Variants in CCNF observed in about 807,000 individuals in gnomAD.
CCNF encodes the protein cyclin F, also known as cyclin-F.
CCNF carries 30 observed loss-of-function variants against 85.4 expected under a neutral mutation model. The ratio of observed to expected loss-of-function variants is 0.35; its 90% CI spans 0.26 to 0.48. CCNF has a LOEUF of 0.48. CCNF is among the 20% of genes least tolerant of loss of function. CCNF has a pLI of 0.99. For missense variants in CCNF, 919 were observed against 1,010.4 expected (o/e 0.91, Z 1.23); for synonymous variants, 439 against 425.1 (o/e 1.03, Z -0.40).
chr16:2,437,416 CAGG>C, intron 5 of CCNF, 94 bp downstream of exon 5: 2 of 959,688 alleles, frequency 2.1e-6, no homozygotes, highest in South Asian at 1.9e-5. Flanking sequence ...CCTGGAAAGT[CAGG>C]AGCCTAAGGG....
intron 8 of CCNF, among the ~76,000 whole-genome samples, chr16:2,441,204 A>G (rs1226599740): frequency 6.6e-6 from 1 of 151,978 alleles, no homozygotes; most frequent in East Asian, 1.9e-4. Flanking sequence ...ACTGCACTCC[A>G]GCCTGGCAAC....
chr16:2,455,314 T>C (rs1596933283), intron 15 of CCNF, 81 bp from the exon 16 acceptor site: 2 of 1,457,420 alleles, frequency 1.4e-6, no homozygotes, highest in Non-Finnish European at 1.8e-6. Context: ...GGCACGCGGG[T>C]GTTAGAGGCA....
chr16:2,445,088 G>A, intron 9 of CCNF, among the ~76,000 whole-genome samples: 1 of 152,054 alleles, frequency 6.6e-6, no homozygotes, highest in Non-Finnish European at 1.5e-5. Context: ...TACCGTATTG[G>A]GGCATTCCCT....
Position 2,437,193 on chromosome 16 carries a change from C to G in CCNF, c.411C>G (p.Leu137=). The part of the protein sequence containing the change: ...NGLKASRFFS[L]AERLNVGAAP... ...TGAAGGCCTCTCGCTTCTTCAGTCT[C>G]GCTGAGCGGCTGAATGTGGGTGCCG... The change falls in exon 5 of 17, where the codon CTC becomes CTG. Residue 137 remains leucine, a synonymous_variant. Transcript: ENST00000397066. 6.2e-7 allele frequency: 1 copy of G among 1,612,770 alleles called. No homozygotes were observed. Among genetic ancestry groups the G allele is most frequent in the Non-Finnish European group, 8.5e-7 (1 of 1,179,150 alleles).
intron 6 of CCNF, 83 bp downstream of exon 6, chr16:2,438,206 G>C: frequency 3.7e-6 from 4 of 1,084,776 alleles, no homozygotes; most frequent in South Asian, 2.5e-5. Context: ...GCAGCAGAAG[G>C]GGGTGTCCAA....
rs556382714 is a variant in CCNF, at chr16:2,445,171, G to A, written c.930-287G>A. Among the ~76,000 whole-genome samples, 90 of 152,288 alleles carry A rather than the reference G, an allele frequency of 5.9e-4. 1 individual carries two copies. The highest frequency in any genetic ancestry group is 1.9e-3 in the African/African-American group (81 of 41,562). On this transcript the variant is annotated intron_variant, in intron 9 of 16. Transcript: ENST00000397066. ...GTTCATCCACTGTGGGCAGACCAAC[G>A]GCTGTGGGCTGACTTTTCACTTTGC...
Position 2,437,135 on chromosome 16 carries a change from T to C in CCNF, c.353T>C (p.Val118Ala), listed in dbSNP as rs779751767. Residue 118 changes from valine to alanine, a missense_variant, in exon 5 of 17, where the codon GTG (valine) becomes GCG (alanine). Physicochemically the swap from Val to Ala is moderately conservative, Grantham distance 64. Around this residue, in one of 3 missense-constraint regions of CCNF, gnomAD observed 410 missense variants for 478.6 expected, o/e 0.86. Transcript: ENST00000397066. ...IAYLYNEGLS[V>A]SDEARAEVNG... is the part of the protein sequence containing the mutation. ...GTCCTGTCTGTCCCCGCAGTGTCTG[T>C]GTCTGATGAGGCCCGCGCAGAAGTG... The C allele has an allele frequency of 6.3e-7, 1 of 1,592,768 alleles. No individual in the cohort carries two copies. Among genetic ancestry groups the C allele is most frequent in the Non-Finnish European group, 8.6e-7 (1 of 1,164,792 alleles).
At chr16:2,441,127 G>A (rs1323716672) in intron 8 of CCNF, among the ~76,000 whole-genome samples, 4 of 151,998 alleles carry the variant, frequency 2.6e-5, no homozygotes, top group African/African-American at 9.7e-5. Flanking sequence ...CCAGCTACGC[G>A]GGAGGCTGAG....
intron 3 of CCNF, among the ~76,000 whole-genome samples, chr16:2,435,106 A>T (rs1208606245): frequency 6.6e-6 from 1 of 151,638 alleles, no homozygotes; most frequent in Non-Finnish European, 1.5e-5. Flanking sequence ...AAAAAATTAG[A>T]CAGGCGTGGT....
At chr16:2,437,923 G>T in intron 5 of CCNF, 147 bp from the exon 6 acceptor site, 41 of 359,768 alleles carry the variant, frequency 1.1e-4, no homozygotes, top group Non-Finnish European at 1.4e-4. Context: ...AAAAAAAAAA[G>T]ACTGAAATCT....
chr16:2,457,000 C>G lies in CCNF; in HGVS notation c.2341C>G (p.Leu781Val). Residue 781 changes from leucine (L) to valine (V), a missense_variant, in exon 17 of 17, where the codon CTG becomes GTG. Transcript: ENST00000397066. This position sits in a 1 kb window ranked among gnomAD's most constrained non-coding sequence, Gnocchi z 4.5. ...ACACAGTGAGGAGGAGGACATGAACCTGGGCCTTGTGAGGCTGTAAGTGTG... is the reference window on the plus strand; with the variant it reads ...ACACAGTGAGGAGGAGGACATGAACGTGGGCCTTGTGAGGCTGTAAGTGTG... ...CIHSEEEDMN[L>V]GLVRL 2 of 1,591,560 alleles carry G rather than the reference C, an allele frequency of 1.3e-6. No homozygotes were observed.
chr16:2,437,966 G>T, intron 5 of CCNF, 104 bp from the exon 6 acceptor site: 1 of 768,078 alleles, frequency 1.3e-6, no homozygotes. Flanking sequence ...GGGAGGGCCA[G>T]ACAGCAGGGC....
At chr16:2,455,299 G>A in intron 15 of CCNF, 96 bp from the exon 16 acceptor site, 1 of 1,422,810 alleles carries the variant, frequency 7.0e-7, no homozygotes. Flanking sequence ...GTGGTGACAG[G>A]CTGGGGCACG....
rs2065347525 is a variant in CCNF, at chr16:2,444,038, G to C, written c.929+238G>C. The stretch of plus-strand genomic sequence containing the variant: ...GGGTTCGAGCAATTCTCCTGCCTCA[G>C]CCTCCCGAGTAGCTGGGACTACAGG... On this transcript the variant is annotated intron_variant, in intron 9 of 16. Coordinates refer to ENST00000397066, the MANE Select transcript of CCNF (RefSeq NM_001761.3). Among the ~76,000 whole-genome samples, 3 of 151,422 alleles carry C rather than the reference G, an allele frequency of 2.0e-5. No individual in the cohort carries two copies. The South Asian group carries it at 6.3e-4, about 32-fold the overall frequency.
chr16:2,437,071 C>T, intron 4 of CCNF, 58 bp from the exon 5 acceptor site: 1 of 1,407,570 alleles, frequency 7.1e-7, no homozygotes, highest in Non-Finnish European at 9.6e-7. Flanking sequence ...CCATGGAGAG[C>T]TTTCCACATT....
intron 15 of CCNF, 29 bp from the exon 16 acceptor site, chr16:2,455,365 TG>T (rs749711716): frequency 6.4e-7 from 1 of 1,550,872 alleles, no homozygotes; most frequent in South Asian, 1.2e-5. Context: ...CGTCCATGAC[TG>T]GGTCTCCTGG....
intron 10 of CCNF, among the ~76,000 whole-genome samples, chr16:2,447,783 GC>G (rs1222695351): frequency 2.0e-5 from 3 of 151,864 alleles, no homozygotes; most frequent in African/African-American, 4.8e-5. Context: ...AGGCTGAGCT[GC>G]CCCCCACCTC....
intron 3 of CCNF, 111 bp from the exon 4 acceptor site, chr16:2,435,695 A>G (rs890002670): frequency 2.5e-6 from 1 of 402,786 alleles, no homozygotes; most frequent in Non-Finnish European, 4.6e-6. Flanking sequence ...ATATATATAT[A>G]TATATATATT....
chr16:2,451,357 G>A lies in CCNF; in HGVS notation c.1487+1442G>A, dbSNP rs967392071. Among the ~76,000 whole-genome samples the A allele has an allele frequency of 1.7e-4, 26 of 152,190 alleles. No individual in the cohort carries two copies. The highest frequency in any genetic ancestry group is 6.3e-4 in the African/African-American group (26 of 41,448). The stretch of plus-strand genomic sequence containing the variant: ...GCAGACCAGTGGGGCTGGGGGCCAT[G>A]AGTGGAGTCATGGCAGTGAGGGGTG... On this transcript the variant is annotated intron_variant, in intron 13 of 16. Coordinates refer to ENST00000397066, the MANE Select transcript of CCNF (RefSeq NM_001761.3). This position sits in a 1 kb window ranked among gnomAD's most constrained non-coding sequence, Gnocchi z 4.3.
Sources: allele counts gnomAD v4.1 joint callset (sites outside exome capture counted in the v4.1 genomes callset), GRCh38; gene constraint gnomAD v4.1.1; regional missense constraint gnomAD v4.1.1; non-coding constraint Gnocchi (gnomAD v3.1); transcripts MANE v1.5; gene names NCBI Gene and HGNC (gene_info 2026-07-23, HGNC 2026-07-21).